Variants in WDR45B observed in about 807,000 individuals in gnomAD.
WDR45B encodes the protein WD repeat domain 45B, also known as WD repeat domain phosphoinositide-interacting protein 3.
In WDR45B, 20 loss-of-function variants were observed where a neutral mutation model predicts 44.6. The ratio of observed to expected loss-of-function variants is 0.45; its 90% CI spans 0.32 to 0.65. WDR45B has a LOEUF of 0.65. WDR45B is among the 30% of genes least tolerant of loss of function. WDR45B has a pLI of 0.05. For synonymous variants in WDR45B, 169 were observed against 164.9 expected (o/e 1.02, Z -0.19); for missense variants, 323 against 430.2 (o/e 0.75, Z 2.20).
At chr17:82,630,478 A>G (rs74846458) in intron 3 of WDR45B, among the ~76,000 whole-genome samples, 3,543 of 152,160 alleles carry the variant, frequency 0.023, 146 homozygotes, top group African/African-American at 0.08. Context: ...CTTACGCCAC[A>G]TCATCTGCAT....
Position 82,625,316 on chromosome 17 carries a change from G to A in WDR45B, c.427+73C>T, listed in dbSNP as rs182275165. On this transcript the variant is annotated intron_variant, in intron 5 of 9. Transcript: ENST00000392325. ...CACTTTGCTCAGAGACCTGCTTGGAGAAGGGAGTGCCCAGCACAGGCATCT... is the reference window on the plus strand; with the variant it reads ...CACTTTGCTCAGAGACCTGCTTGGAAAAGGGAGTGCCCAGCACAGGCATCT... 1,365 of 1,447,232 alleles carry A rather than the reference G, an allele frequency of 9.4e-4. 2 individuals carry two copies. The highest frequency in any genetic ancestry group is 1.2e-3 in the Non-Finnish European group (1,253 of 1,028,874). The allele number at this position is 1,447,232 out of a possible 1,614,324, so 89.6% of individuals were successfully genotyped here. A position where few individuals can be genotyped will look rare whatever the true frequency, so the allele number is the denominator to read the frequency against.
At chr17:82,638,965 G>C (rs151069970) in intron 2 of WDR45B, among the ~76,000 whole-genome samples, 1 of 151,938 alleles carries the variant, frequency 6.6e-6, no homozygotes, top group Non-Finnish European at 1.5e-5. Context: ...TGGGACTACA[G>C]GCACCCACCA....
chr17:82,644,366 C>T, intron 1 of WDR45B: 1 of 373,740 alleles, frequency 2.7e-6, no homozygotes, highest in African/African-American at 2.1e-5. Context: ...GCAGGCAATC[C>T]CGCCCACTGT....
intron 2 of WDR45B, among the ~76,000 whole-genome samples, chr17:82,643,684 GA>G: frequency 6.6e-6 from 1 of 152,298 alleles, no homozygotes; most frequent in East Asian, 1.9e-4. Flanking sequence ...GATGTGACAG[GA>G]AAAGGCACAA....
chr17:82,643,814 A>G, intron 2 of WDR45B, 135 bp downstream of exon 2: 1 of 848,414 alleles, frequency 1.2e-6, no homozygotes, highest in Non-Finnish European at 2.0e-6. Context: ...AGCTCCCTCC[A>G]AGTTTATGAG....
At chr17:82,623,940 G>A (rs1041537791) in intron 5 of WDR45B, among the ~76,000 whole-genome samples, 1 of 151,386 alleles carries the variant, frequency 6.6e-6, no homozygotes, top group African/African-American at 2.4e-5. Context: ...GACAATGCTG[G>A]AACACTCATA....
At chr17:82,640,133 C>A (rs1435754766) in intron 2 of WDR45B, among the ~76,000 whole-genome samples, 4 of 152,184 alleles carry the variant, frequency 2.6e-5, no homozygotes, top group African/African-American at 9.7e-5. Flanking sequence ...GCTTCCCGTT[C>A]CTGCCAAGTG....
Position 82,648,362 on chromosome 17 carries a change from C to T in WDR45B, c.-22G>A, listed in dbSNP as rs777890832. 1.2e-6 allele frequency: 2 copies of T among 1,601,892 alleles called. No individual in the cohort carries two copies. The highest frequency in any genetic ancestry group is 1.1e-5 in the South Asian group (1 of 89,616). On this transcript the variant is annotated 5_prime_UTR_variant, in exon 1 of 10. Transcript: ENST00000392325. ...TCATGGCGCCGCCGTGCTGGGTCGCCGCTCCTCAGCGCTGCATGCCTCTCG... is the reference window on the plus strand; with the variant it reads ...TCATGGCGCCGCCGTGCTGGGTCGCTGCTCCTCAGCGCTGCATGCCTCTCG...
intron 2 of WDR45B, among the ~76,000 whole-genome samples, chr17:82,641,721 A>C (rs886624709): frequency 6.6e-6 from 1 of 152,078 alleles, no homozygotes; most frequent in Admixed American, 6.6e-5. Flanking sequence ...ACAGTGAAAC[A>C]CCGTCTCTAC....
intron 1 of WDR45B, 74 bp from the exon 2 acceptor site, chr17:82,644,097 A>C (rs2045948994): frequency 4.9e-6 from 7 of 1,422,852 alleles, no homozygotes; most frequent in Non-Finnish European, 5.9e-6. Flanking sequence ...TGGAGAAATG[A>C]CAACTACTGA....
intron 7 of WDR45B, among the ~76,000 whole-genome samples, chr17:82,618,360 C>T (rs916906524): frequency 6.6e-6 from 1 of 152,220 alleles, no homozygotes; most frequent in Non-Finnish European, 1.5e-5. Flanking sequence ...ACTAGACACC[C>T]GGGGGGCTGT....
rs752163190 is a variant in WDR45B at position 82,615,272 on chromosome 17, G to A, written c.*647C>T. The A allele has an allele frequency of 5.6e-4, 87 of 156,072 alleles. No individual in the cohort carries two copies. The highest frequency in any genetic ancestry group is 3.4e-3 in the Middle Eastern group (1 of 298). 9.7% of individuals were successfully genotyped at this position (156,072 alleles called of 1,614,324 possible). On this transcript the variant is annotated 3_prime_UTR_variant, in exon 10 of 10. Coordinates refer to ENST00000392325, the MANE Select transcript of WDR45B (RefSeq NM_019613.4). ...TAATGGCCCCAACGGAGACGGGGAC[G>A]CCACGCACGGGCACAGGTGACGTCA... is the stretch of plus-strand genomic sequence containing the variant.
chr17:82,645,159 G>A (rs1366969263), intron 1 of WDR45B, among the ~76,000 whole-genome samples: 1 of 152,006 alleles, frequency 6.6e-6, no homozygotes, highest in Non-Finnish European at 1.5e-5. Flanking sequence ...TTAGCCAGTC[G>A]TGGTGGTGAG....
At chr17:82,616,692 A>T in intron 8 of WDR45B, 47 bp from the exon 9 acceptor site, 1 of 1,613,388 alleles carries the variant, frequency 6.2e-7, no homozygotes, top group Non-Finnish European at 8.5e-7. Flanking sequence ...TACAGGAAAA[A>T]AAATCACCTG....
intron 2 of WDR45B, among the ~76,000 whole-genome samples, chr17:82,632,561 G>A (rs1367128650): frequency 1.3e-5 from 2 of 152,086 alleles, no homozygotes; most frequent in Non-Finnish European, 2.9e-5. Flanking sequence ...CTCTCTGAGG[G>A]GAGCAACAGG....
At chr17:82,637,733 G>C (rs1056457724) in intron 2 of WDR45B, among the ~76,000 whole-genome samples, 3 of 151,982 alleles carry the variant, frequency 2.0e-5, no homozygotes, top group Non-Finnish European at 4.4e-5. Flanking sequence ...GAGATGCATA[G>C]GGCAAGGTAT....
chr17:82,624,041 C>T (rs574247825), intron 5 of WDR45B, among the ~76,000 whole-genome samples: 2 of 152,200 alleles, frequency 1.3e-5, no homozygotes, highest in South Asian at 2.1e-4. Context: ...TGGTTGTGAC[C>T]GGGCAGTCGA....
intron 5 of WDR45B, among the ~76,000 whole-genome samples, chr17:82,624,771 A>ACCACGCCC (rs2045672150): frequency 6.6e-6 from 1 of 151,368 alleles, no homozygotes; most frequent in Admixed American, 6.6e-5. Context: ...GGTGCCCGCC[A>ACCACGCCC]CCACGCCCGG....
chr17:82,632,116 A>G (rs2045776016), intron 2 of WDR45B, among the ~76,000 whole-genome samples: 2 of 152,026 alleles, frequency 1.3e-5, no homozygotes, highest in African/African-American at 2.4e-5. Context: ...AAAACAAACC[A>G]AAAAAACCCC....
Sources: gnomAD v4.1 joint callset for allele counts (sites outside exome capture counted in the v4.1 genomes callset) on GRCh38, gnomAD v4.1.1 for gene constraint, MANE v1.5 for transcripts, NCBI Gene and HGNC (gene_info 2026-07-23, HGNC 2026-07-21) for gene names.